Variants in PDXDC1 observed in about 807,000 individuals in gnomAD.
PDXDC1 encodes pyridoxal dependent decarboxylase domain containing 1.
PDXDC1 carries 42 observed loss-of-function variants against 100.1 expected under a neutral mutation model. That is an observed-to-expected ratio of 0.42 (90% CI 0.33 to 0.54). PDXDC1 has a LOEUF of 0.54. PDXDC1 is among the 20% of genes least tolerant of loss of function. The probability of loss-of-function intolerance (pLI) is 0.10; values close to 1 mark genes in which losing one functional copy is unlikely to be tolerated. For synonymous variants in PDXDC1, 260 were observed against 371.7 expected (o/e 0.70, Z 3.46); for missense variants, 636 against 979.2 (o/e 0.65, Z 4.68).
In PDXDC1 at chr16:15,131,622, C is replaced by T. The variant is rs548510282; in HGVS notation, c.1400-7257C>T. On this transcript the variant is annotated intron_variant, in intron 16 of 16. Transcript: ENST00000535621. ...CAGAGGTCAGGTTGTAGGCCTGGGA[C>T]GCCACCATCCGCGATGGTGACTCGG... The T allele has an allele frequency of 3.6e-5, 57 of 1,596,512 alleles. No homozygotes were observed. In the African/African-American group the frequency reaches 4.0e-4, roughly 11 times the overall value.
intron 6 of PDXDC1, among the ~76,000 whole-genome samples, chr16:15,007,073 A>G (rs2040837356): frequency 6.6e-6 from 1 of 151,972 alleles, no homozygotes; most frequent in African/African-American, 2.4e-5. Context: ...CTGTGCATAA[A>G]GCTCTTCCTG....
downstream of PDXDC1, among the ~76,000 whole-genome samples, chr16:15,042,900 T>A (rs933335175): frequency 2.1e-4 from 14 of 66,912 alleles, no homozygotes; most frequent in African/African-American, 4.8e-4. Context: ...GCCCAGCTAA[T>A]TTTTTTTTTT....
At chr16:15,028,830 G>A in intron 14 of PDXDC1, 48 bp from the exon 15 acceptor site, 1 of 1,582,586 alleles carries the variant, frequency 6.3e-7, no homozygotes, top group Non-Finnish European at 8.6e-7. Flanking sequence ...GTTTTTTTTG[G>A]TCAGCCGTGT....
intron 16 of PDXDC1, among the ~76,000 whole-genome samples, chr16:15,050,034 G>C (rs1040756628): frequency 6.6e-6 from 1 of 152,158 alleles, no homozygotes; most frequent in Non-Finnish European, 1.5e-5. Flanking sequence ...TCCTGTTGCT[G>C]TTGTCCTCTC....
At chr16:15,022,890 CA>C in intron 13 of PDXDC1, 136 bp downstream of exon 13, 5 of 770,208 alleles carry the variant, frequency 6.5e-6, no homozygotes, top group East Asian at 6.0e-5. Context: ...AAAAACAAAA[CA>C]AAAAAACGAA....
the PDXDC1 span, among the ~76,000 whole-genome samples, chr16:15,146,675 G>A: frequency 2.6e-5 from 4 of 152,158 alleles, no homozygotes; most frequent in African/African-American, 9.7e-5. Flanking sequence ...TCCAGTGTCC[G>A]GTCTAAGCAC....
In PDXDC1 at chr16:15,135,239, G is replaced by C. The variant is rs2048293306; in HGVS notation, c.1400-3640G>C. 7.5e-6 allele frequency: 6 copies of C among 804,676 alleles called. No individual in the cohort carries two copies. In the East Asian group the frequency reaches 1.6e-4, roughly 21 times the overall value. The allele number at this position is 804,676 out of a possible 1,614,324, so 49.8% of individuals were successfully genotyped here. A position where few individuals can be genotyped will look rare whatever the true frequency, so the allele number is the denominator to read the frequency against. On this transcript the variant is annotated intron_variant, in intron 16 of 16. Transcript: ENST00000535621. Reference sequence around the variant, plus strand: ...AAACAGTAGATGAGCAGGGAGGTTGGGCTGTCCAAGGCAAGTGGCCGAGGG... The same window carrying C: ...AAACAGTAGATGAGCAGGGAGGTTGCGCTGTCCAAGGCAAGTGGCCGAGGG...
At chr16:15,013,874 CAA>C (rs58185654) in intron 8 of PDXDC1, among the ~76,000 whole-genome samples, 1 of 135,964 alleles carries the variant, frequency 7.4e-6, no homozygotes, top group Non-Finnish European at 1.5e-5. Context: ...GTCTCTGTCT[CAA>C]AAAAAAAAAA....
At chr16:15,024,415 A>AT (rs776859221) in intron 13 of PDXDC1, among the ~76,000 whole-genome samples, 783 of 118,532 alleles carry the variant, frequency 6.6e-3, no homozygotes, top group Non-Finnish European at 6.9e-3. Flanking sequence ...TCTTCTGTTT[A>AT]TTTTTTTTTG....
rs1180406512 is a variant in PDXDC1, at chr16:15,036,302, C to T, written c.*27C>T. Reference sequence around the variant, plus strand: ...ACTCATTGTGTGGTTTGAGACTGTACTGAGTATTGTTTCAGGGAAGATGAA... The same window carrying T: ...ACTCATTGTGTGGTTTGAGACTGTATTGAGTATTGTTTCAGGGAAGATGAA... On this transcript the variant is annotated 3_prime_UTR_variant, in exon 23 of 23. Transcript: ENST00000396410. The T allele has an allele frequency of 3.2e-6, 5 of 1,582,280 alleles. No individual in the cohort carries two copies. Among genetic ancestry groups the T allele is most frequent in the Non-Finnish European group, 4.3e-6 (5 of 1,158,650 alleles).
chr16:15,127,892 C>T lies in PDXDC1; in HGVS notation c.1400-10987C>T, dbSNP rs765415604. The T allele has an allele frequency of 7.4e-5, 113 of 1,535,130 alleles. No individual in the cohort carries two copies. In the Admixed American group the frequency reaches 1.7e-3, roughly 23 times the overall value. On this transcript the variant is annotated intron_variant, in intron 16 of 16. Coordinates refer to the PDXDC1 transcript ENST00000535621. ...AGGCGCCGGAAGCGCAACAGGGCTG[C>T]GTGACCTAGAAGGCAGGGAGGGCCG...
intron 19 of PDXDC1, 152 bp from the exon 20 acceptor site, chr16:15,034,134 G>T (rs879035868): frequency 6.5e-5 from 42 of 646,556 alleles, no homozygotes; most frequent in South Asian, 6.1e-4. Flanking sequence ...TTATCTGCTT[G>T]TCTTTGAGTT....
chr16:15,019,561 C>T lies in PDXDC1; in HGVS notation c.1089+596C>T, dbSNP rs373998522. On this transcript the variant is annotated intron_variant, in intron 12 of 22. Coordinates refer to ENST00000396410, the MANE Select transcript of PDXDC1 (RefSeq NM_015027.4). ...GACATTTATTGCTTACAGTTCTGGA[C>T]GTGAGAAGTCTCAGATCAAGGTGCC... 2.5e-3 allele frequency among the ~76,000 whole-genome samples: 388 copies of T among 152,270 alleles called. No individual in the cohort carries two copies. In the Middle Eastern group the frequency reaches 0.027, roughly 11 times the overall value.
chr16:15,021,008 A>G (rs1207471695), intron 12 of PDXDC1, among the ~76,000 whole-genome samples: 1 of 152,206 alleles, frequency 6.6e-6, no homozygotes, highest in African/African-American at 2.4e-5. Context: ...ACACACACAC[A>G]CACGAAAAGT....
chr16:15,066,961 C>A (rs959140231), intron 16 of PDXDC1, among the ~76,000 whole-genome samples: 2 of 151,870 alleles, frequency 1.3e-5, no homozygotes, highest in African/African-American at 4.8e-5. Flanking sequence ...AGTCCTCTGT[C>A]CCCACCCCGA....
intron 16 of PDXDC1, chr16:15,091,218 G>C (rs1349338366): frequency 8.8e-6 from 13 of 1,480,436 alleles, no homozygotes; most frequent in Non-Finnish European, 1.0e-5. Context: ...ACCATGGAGA[G>C]AGCAAGTTCT....
intron 16 of PDXDC1, chr16:15,131,245 T>C (rs1302394334): frequency 2.4e-5 from 39 of 1,592,096 alleles, no homozygotes; most frequent in Non-Finnish European, 3.3e-5. Flanking sequence ...GTTGGGCACC[T>C]TCACGGTGAT....
intron 16 of PDXDC1, chr16:15,044,936 C>T (rs1567762106): frequency 6.6e-6 from 1 of 152,484 alleles, no homozygotes; most frequent in Non-Finnish European, 1.5e-5. Context: ...GCCTGGGCAA[C>T]AAGGTAAAAC....
At chr16:15,055,990 G>A (rs2044499760) in intron 16 of PDXDC1, 1 of 1,203,574 alleles carries the variant, frequency 8.3e-7, no homozygotes, top group African/African-American at 1.6e-5. Flanking sequence ...CGGCCGCCCA[G>A]GCAGGCCCAG....
Sources: allele counts gnomAD v4.1 joint callset (sites outside exome capture counted in the v4.1 genomes callset), GRCh38; gene constraint gnomAD v4.1.1; transcripts MANE v1.5; gene names NCBI Gene and HGNC (gene_info 2026-07-23, HGNC 2026-07-21).